The following CMIP variants were observed in gnomAD, a reference collection of about 807,000 sequenced individuals.
CMIP encodes the protein c-Maf inducing protein.
In CMIP, 13 loss-of-function variants were observed where a neutral mutation model predicts 97.3. The ratio of observed to expected loss-of-function variants is 0.13; its 90% confidence interval spans 0.09 to 0.21. The LOEUF (loss-of-function observed/expected upper bound fraction) is 0.21, where lower values mean the gene tolerates loss of function less well. Ranked by LOEUF, CMIP falls within the 10% of genes least tolerant of loss-of-function variation. The pLI, the probability that CMIP is intolerant of heterozygous loss-of-function variation, is 1.00. For synonymous variants in CMIP, 538 were observed against 436.3 expected (o/e 1.23, Z -2.91); for missense variants, 847 against 1,024.9 (o/e 0.83, Z 2.37).
intron 1 of CMIP, among the ~76,000 whole-genome samples, chr16:81,527,982 C>T (rs2090164340): frequency 6.6e-6 from 1 of 152,166 alleles, no homozygotes. Context: ...CATAGGTTCA[C>T]CTTTTGTAGA....
rs182663521 is a variant in CMIP, at chr16:81,474,892, T to A, written c.300+29351T>A. On this transcript the variant is annotated intron_variant, in intron 1 of 20. Transcript: ENST00000537098. ...CGGGGAGGGAGTCGACCAGTGCTTG[T>A]CTTTGCAGAACTGCTGGTGGACTGA... is the stretch of plus-strand genomic sequence containing the variant. Among the ~76,000 whole-genome samples, 4 of 152,308 alleles carry A rather than the reference T, an allele frequency of 2.6e-5. No individual in the cohort carries two copies. The East Asian group carries it at 7.7e-4, about 29-fold the overall frequency.
chr16:81,495,831 GCTGT>G (rs1449760275), intron 1 of CMIP, among the ~76,000 whole-genome samples: 1 of 150,530 alleles, frequency 6.6e-6, no homozygotes, highest in African/African-American at 2.4e-5. Context: ...TTGGCTGTTG[GCTGT>G]CATTTTCTTT....
chr16:81,558,104 T>C (rs1214808453), intron 1 of CMIP, among the ~76,000 whole-genome samples: 3 of 152,252 alleles, frequency 2.0e-5, no homozygotes, highest in African/African-American at 7.2e-5. Context: ...TTCTTTCATA[T>C]TGTAGCATGT....
chr16:81,514,972 G>T (rs189081136), intron 1 of CMIP, among the ~76,000 whole-genome samples: 1 of 152,174 alleles, frequency 6.6e-6, no homozygotes, highest in South Asian at 2.1e-4. Flanking sequence ...CCTGAGCATC[G>T]TTGTTCGAGG....
At chr16:81,626,549 A>ATG (rs916787546) in intron 3 of CMIP, among the ~76,000 whole-genome samples, 2 of 110,622 alleles carry the variant, frequency 1.8e-5, no homozygotes, top group East Asian at 6.2e-4. Context: ...ATGGGTGTGC[A>ATG]TGTGTGTGTG....
rs375044406 is a variant in CMIP, at chr16:81,645,304, C to A, written c.478-6899C>A. On this transcript the variant is annotated intron_variant, in intron 3 of 20. Coordinates refer to ENST00000537098, the MANE Select transcript of CMIP (RefSeq NM_198390.3). ...TCCACTCTGCAGTGCCATGGGCGCG[C>A]CCGTGCAGCGTCCTCTCTTCACGAC... 6 of 1,190,216 alleles carry A rather than the reference C, an allele frequency of 5.0e-6. No homozygotes were observed. In the East Asian group the frequency reaches 9.8e-5, roughly 20 times the overall value. The allele number at this position is 1,190,216 out of a possible 1,614,324, so 73.7% of individuals were successfully genotyped here.
intron 3 of CMIP, among the ~76,000 whole-genome samples, chr16:81,651,879 T>C (rs1302743916): frequency 6.6e-6 from 1 of 152,152 alleles, no homozygotes; most frequent in Non-Finnish European, 1.5e-5. Flanking sequence ...GTACCTCGGT[T>C]TCTTCATCCT....
At chr16:81,556,840 G>A (rs550888939) in intron 1 of CMIP, among the ~76,000 whole-genome samples, 14 of 152,248 alleles carry the variant, frequency 9.2e-5, no homozygotes, top group Admixed American at 8.5e-4. Context: ...GGGACATTCT[G>A]TACGGTGCCT....
At chr16:81,484,582 G>A (rs2089286151) in intron 1 of CMIP, among the ~76,000 whole-genome samples, 1 of 152,102 alleles carries the variant, frequency 6.6e-6, no homozygotes, top group African/African-American at 2.4e-5. Flanking sequence ...GGCAGGAGTG[G>A]GTTTTTGTAG....
At chr16:81,668,492 C>G (rs2092635705) in intron 7 of CMIP, among the ~76,000 whole-genome samples, 1 of 152,200 alleles carries the variant, frequency 6.6e-6, no homozygotes, top group Non-Finnish European at 1.5e-5. Flanking sequence ...TGGCCCCTGT[C>G]TTCCTGACAC....
intron 1 of CMIP, among the ~76,000 whole-genome samples, chr16:81,478,399 G>T (rs965921109): frequency 2.0e-5 from 3 of 152,198 alleles, no homozygotes; most frequent in Non-Finnish European, 2.9e-5. Flanking sequence ...TTGGCGTCCT[G>T]TATGGAGAGG....
chr16:81,586,287 C>A (rs776666464), intron 1 of CMIP, among the ~76,000 whole-genome samples: 1 of 152,134 alleles, frequency 6.6e-6, no homozygotes, highest in Non-Finnish European at 1.5e-5. Flanking sequence ...TTTGATAACA[C>A]AGTTTACTGT....
chr16:81,456,739 A>G (rs1021187933), intron 1 of CMIP, among the ~76,000 whole-genome samples: 3 of 152,164 alleles, frequency 2.0e-5, no homozygotes, highest in Non-Finnish European at 4.4e-5. Flanking sequence ...GCTGGTAAGC[A>G]GAGTTTTGGG....
chr16:81,596,211 T>A (rs948544730), intron 1 of CMIP, among the ~76,000 whole-genome samples: 2 of 152,068 alleles, frequency 1.3e-5, no homozygotes, highest in East Asian at 3.9e-4. Context: ...TTTATTTTTT[T>A]AAAAAATCTT....
chr16:81,566,502 G>A (rs954477489), intron 1 of CMIP, among the ~76,000 whole-genome samples: 15 of 152,216 alleles, frequency 9.9e-5, no homozygotes, highest in African/African-American at 3.1e-4. Context: ...TGGTACCACA[G>A]CTTTGCTGTG....
chr16:81,652,113 C>A lies in CMIP; in HGVS notation c.478-90C>A, dbSNP rs2092435001. ...TGTCAGTTTCTCAGGGCCCTTTACA[C>A]CCTAACCCATCTGATTCTTTGATTG... On this transcript the variant is annotated intron_variant, in intron 3 of 20. Coordinates refer to ENST00000537098, the MANE Select transcript of CMIP (RefSeq NM_198390.3). This position sits in a 1 kb window ranked among gnomAD's most constrained non-coding sequence, Gnocchi z 5.2. 4.3e-5 allele frequency: 47 copies of A among 1,093,336 alleles called. 1 individual carries two copies. In the South Asian group the frequency reaches 5.8e-4, roughly 13 times the overall value. The allele number at this position is 1,093,336 out of a possible 1,614,324, so 67.7% of individuals were successfully genotyped here.
At position 81,655,552 on chromosome 16, in the gene CMIP, GA is replaced by G. The variant is rs2092472778; in HGVS notation, c.640-2222del. On this transcript the variant is annotated intron_variant, in intron 4 of 20. Coordinates refer to ENST00000537098, the MANE Select transcript of CMIP (RefSeq NM_198390.3). This position sits in a 1 kb window ranked among gnomAD's most constrained non-coding sequence, Gnocchi z 4.9. The stretch of plus-strand genomic sequence containing the variant: ...AGGGGTGGAAAATGGCCCTGGGGGA[GA>G]GAAGGCTCCCTGTAGAATGCATGGG... Among the ~76,000 whole-genome samples, 2 of 152,208 alleles carry G rather than the reference GA, an allele frequency of 1.3e-5. No homozygotes were observed. The highest frequency in any genetic ancestry group is 4.8e-5 in the African/African-American group (2 of 41,448).
chr16:81,671,952 C>T lies in CMIP; in HGVS notation c.930-14C>T, dbSNP rs762786902. ...CCTGCAGGCTTCTCACCCCAGCCCT[C>T]TGCTTTTTTCCAGCATGCACGGCCC... is the stretch of plus-strand genomic sequence containing the variant. On this transcript the variant is annotated splice_polypyrimidine_tract_variant and intron_variant, in intron 8 of 20. Transcript: ENST00000537098. The T allele has an allele frequency of 4.0e-5, 61 of 1,507,802 alleles. 1 individual carries two copies. The South Asian group carries it at 6.3e-4, about 16-fold the overall frequency. The allele number at this position is 1,507,802 out of a possible 1,614,324, so 93.4% of individuals were successfully genotyped here.
chr16:81,455,436 C>G (rs1422936089), intron 1 of CMIP, among the ~76,000 whole-genome samples: 7 of 152,254 alleles, frequency 4.6e-5, no homozygotes, highest in African/African-American at 1.4e-4. Flanking sequence ...GAGGTCCGTC[C>G]TGTTGGAAGG....
Sources: allele counts gnomAD v4.1 joint callset (sites outside exome capture counted in the v4.1 genomes callset), GRCh38; gene constraint gnomAD v4.1.1; non-coding constraint Gnocchi (gnomAD v3.1); transcripts MANE v1.5; gene names NCBI Gene and HGNC (gene_info 2026-07-23, HGNC 2026-07-21).